The following NPHS2 variants were observed in gnomAD, a reference collection of about 807,000 sequenced individuals.
NPHS2 encodes NPHS2 stomatin family member, podocin.
Under a neutral mutation model 37.1 loss-of-function variants are expected in NPHS2, and 36 were observed. The observed-to-expected ratio is 0.97, with a 90% CI of 0.74 to 1.28. NPHS2 has a LOEUF of 1.28. Ranked by LOEUF, NPHS2 falls within the 50% of genes most tolerant of loss-of-function variation. NPHS2 has a pLI of 0.00. For synonymous variants in NPHS2, 196 were observed against 189.3 expected, an observed-to-expected ratio of 1.04 and a Z score of -0.29; for missense variants, 447 against 488.1, an observed-to-expected ratio of 0.92 and a Z score of 0.79.
Position 179,565,702 on chromosome 1 carries a change from C to A in NPHS2, c.275-909G>T, listed in dbSNP as rs150024746. Among the ~76,000 whole-genome samples the A allele has an allele frequency of 1.9e-3, 293 of 152,188 alleles. 1 individual carries two copies. Among genetic ancestry groups the A allele is most frequent in the African/African-American group, 6.0e-3 (249 of 41,502 alleles). ...TCATCATTTATATTAGGTATTTCTC[C>A]TAATGCTATCCCTCCCCCAGCTCCC... On this transcript the variant is annotated intron_variant, in intron 1 of 7. Transcript: ENST00000367615.
rs770495227 is a variant in NPHS2, at chr1:179,552,669, C to A, written c.807G>T (p.Arg269Ser). 6 of 1,613,744 alleles carry A rather than the reference C, an allele frequency of 3.7e-6. No homozygotes were observed. In the South Asian group the frequency reaches 4.4e-5, roughly 12 times the overall value. ...KVERIEIKDV[R>S]LPAGLQHSLA... ...GTGAGTGCTGAAGCCCAGCTGGCAA[C>A]CTCACATCTTTACTGAAAAAGAAAG... Residue 269 changes from arginine (R) to serine (S), a missense_variant, in exon 7 of 8, where the codon AGG becomes AGT. Coordinates refer to ENST00000367615, the MANE Select transcript of NPHS2 (RefSeq NM_014625.4).
At chr1:179,566,046 A>G (rs1157662809) in intron 1 of NPHS2, among the ~76,000 whole-genome samples, 2 of 152,168 alleles carry the variant, frequency 1.3e-5, no homozygotes, top group African/African-American at 2.4e-5. Context: ...ATGTGTCTTT[A>G]TAGTAGCATG....
At position 179,551,000 on chromosome 1, in the gene NPHS2, C is replaced by T. The variant is rs114905610; in HGVS notation, c.*173G>A. 8.8e-4 allele frequency: 658 copies of T among 746,556 alleles called. 3 individuals carry two copies. In the African/African-American group the frequency reaches 9.0e-3, roughly 10 times the overall value. The allele number at this position is 746,556 out of a possible 1,614,324, so 46.2% of individuals were successfully genotyped here. On this transcript the variant is annotated 3_prime_UTR_variant, in exon 8 of 8. Coordinates refer to ENST00000367615, the MANE Select transcript of NPHS2 (RefSeq NM_014625.4). ...GAAACATGTTGTCTGCCTTCTCTGT[C>T]ATTACATCATTTCACCGTCTTCTCA... is the stretch of plus-strand genomic sequence containing the variant.
intron 2 of NPHS2, among the ~76,000 whole-genome samples, chr1:179,563,551 T>C (rs1343208526): frequency 2.0e-5 from 3 of 152,216 alleles, no homozygotes; most frequent in East Asian, 1.9e-4. Context: ...ATCTCCAGGA[T>C]AGATAATATG....
At chr1:179,571,782 C>T (rs949769217) in intron 1 of NPHS2, among the ~76,000 whole-genome samples, 4 of 152,232 alleles carry the variant, frequency 2.6e-5, no homozygotes, top group Non-Finnish European at 5.9e-5. Flanking sequence ...ATGGTGGACA[C>T]CCCACCCCCA....
chr1:179,565,557 CTGTT>C (rs146053446), intron 1 of NPHS2, among the ~76,000 whole-genome samples: 175 of 152,266 alleles, frequency 1.1e-3, no homozygotes, highest in African/African-American at 3.8e-3. Context: ...TTACATGTGT[CTGTT>C]TGTTTTTGTT....
chr1:179,559,647 A>G (rs1674061118), intron 4 of NPHS2, 32 bp downstream of exon 4: 4 of 1,413,214 alleles, frequency 2.8e-6, no homozygotes, highest in Non-Finnish European at 3.9e-6. Flanking sequence ...TGGAAAATGT[A>G]TAGAGAAAGC....
chr1:179,551,688 T>C (rs1673304107), intron 7 of NPHS2: 1 of 535,860 alleles, frequency 1.9e-6, no homozygotes. Context: ...AATGAAGTAT[T>C]AGGGGAGTTA....
intron 1 of NPHS2, among the ~76,000 whole-genome samples, chr1:179,574,306 G>C (rs934559288): frequency 2.0e-5 from 3 of 152,106 alleles, no homozygotes; most frequent in Admixed American, 6.5e-5. Flanking sequence ...CTACTTCCCA[G>C]CTACACGACT....
chr1:179,571,808 C>T (rs1248841553), intron 1 of NPHS2, among the ~76,000 whole-genome samples: 2 of 152,204 alleles, frequency 1.3e-5, no homozygotes, highest in Non-Finnish European at 1.5e-5. Context: ...GCTGCGGCCT[C>T]GCAGATCAAT....
chr1:179,563,646 G>T (rs1416432216), intron 2 of NPHS2, among the ~76,000 whole-genome samples: 2 of 152,082 alleles, frequency 1.3e-5, no homozygotes, highest in Non-Finnish European at 2.9e-5. Flanking sequence ...AGTTAAATTA[G>T]AAATCAATAA....
chr1:179,565,804 G>A (rs1349904145), intron 1 of NPHS2, among the ~76,000 whole-genome samples: 1 of 141,994 alleles, frequency 7.0e-6, no homozygotes, highest in African/African-American at 2.7e-5. Context: ...TCCCATCTAT[G>A]AGTGAAAACA....
rs758092613 is a variant in NPHS2, at chr1:179,551,167, T to C, written c.*6A>G. 3 of 1,613,886 alleles carry C rather than the reference T, an allele frequency of 1.9e-6. 1 individual carries two copies. Among genetic ancestry groups the C allele is most frequent in the South Asian group, 2.2e-5 (2 of 91,082 alleles). On this transcript the variant is annotated 3_prime_UTR_variant, in exon 8 of 8. Coordinates refer to ENST00000367615, the MANE Select transcript of NPHS2 (RefSeq NM_014625.4). Reference sequence around the variant, plus strand: ...CCCTTTACAGTCACATTATGCCCCATCCTTCCTATAACATGGGAGAGTCTT... The same window carrying C: ...CCCTTTACAGTCACATTATGCCCCACCCTTCCTATAACATGGGAGAGTCTT...
At chr1:179,554,779 G>A in intron 5 of NPHS2, 2 of 568,354 alleles carry the variant, frequency 3.5e-6, no homozygotes, top group Non-Finnish European at 6.3e-6. Context: ...GATATCCCAT[G>A]TCCTAATCCC....
intron 7 of NPHS2, 102 bp from the exon 8 acceptor site, chr1:179,551,553 G>T (rs1673286544): frequency 2.9e-6 from 4 of 1,365,590 alleles, no homozygotes; most frequent in African/African-American, 1.4e-5. Context: ...CATCTACTAT[G>T]TGGCAAGCAC....
Position 179,561,353 on chromosome 1 carries a change from T to C in NPHS2, c.387A>G (p.Gln129=), listed in dbSNP as rs1674130366. The change falls in exon 3 of 8, where the codon CAA becomes CAG. Residue 129 remains glutamine (Q), a synonymous_variant. Transcript: ENST00000367615. ...FSIWFCVKVV[Q]EYERVIIFRL... is the part of the protein sequence containing the mutation. ...GGAATATAATTACTCTTTCATACTC[T>C]TGTACAACCTAAAGAGAAATTTAAT... is the stretch of plus-strand genomic sequence containing the variant. 2 of 1,609,244 alleles carry C rather than the reference T, an allele frequency of 1.2e-6. No homozygotes were observed. The highest frequency in any genetic ancestry group is 3.3e-5 in the Admixed American group (2 of 59,968).
Position 179,551,094 on chromosome 1 carries a change from A to C in NPHS2, c.*79T>G. ...ATGGCAACCAAAGGAAGGGCAGGGA[A>C]TGAGGACAGAGTGTCTCCCTCAGGC... On this transcript the variant is annotated 3_prime_UTR_variant, in exon 8 of 8. Coordinates refer to ENST00000367615, the MANE Select transcript of NPHS2 (RefSeq NM_014625.4). The C allele has an allele frequency of 1.3e-6, 2 of 1,574,510 alleles. No individual in the cohort carries two copies. The highest frequency in any genetic ancestry group is 1.1e-5 in the South Asian group (1 of 89,520).
chr1:179,567,688 T>C (rs1172598288), intron 1 of NPHS2, among the ~76,000 whole-genome samples: 13 of 152,226 alleles, frequency 8.5e-5, no homozygotes, highest in African/African-American at 2.9e-4. Context: ...TTCAGTATGA[T>C]ATTGGCTGTG....
At chr1:179,558,943 A>G (rs1674034745) in intron 4 of NPHS2, among the ~76,000 whole-genome samples, 1 of 152,156 alleles carries the variant, frequency 6.6e-6, no homozygotes, top group Non-Finnish European at 1.5e-5. Flanking sequence ...AGGGTTCTCT[A>G]GAGAAACTAT....
Sources: gnomAD v4.1 joint callset for allele counts (sites outside exome capture counted in the v4.1 genomes callset) on GRCh38, gnomAD v4.1.1 for gene constraint, MANE v1.5 for transcripts, NCBI Gene and HGNC (gene_info 2026-07-23, HGNC 2026-07-21) for gene names.